SBK1: variants seen among roughly 807,000 people sequenced by gnomAD.
SBK1 encodes the protein serine/threonine-protein kinase SBK1.
Under a neutral mutation model 24.4 loss-of-function variants are expected in SBK1, and 11 were observed. The observed-to-expected ratio is 0.45, with a 90% CI of 0.28 to 0.75. The LOEUF is 0.75. Among genes scored for constraint, SBK1 ranks in the 30% least tolerant of loss-of-function variants. The probability of loss-of-function intolerance (pLI) is 0.12; values close to 1 mark genes in which losing one functional copy is unlikely to be tolerated. For synonymous variants in SBK1, 308 were observed against 284.4 expected (o/e 1.08, Z -0.83); for missense variants, 467 against 620.5 (o/e 0.75, Z 2.63).
chr16:28,312,825 C>T (rs1478692980), intron 1 of SBK1, among the ~76,000 whole-genome samples: 2 of 152,100 alleles, frequency 1.3e-5, no homozygotes, highest in African/African-American at 4.8e-5. Context: ...CAAGGTGAGA[C>T]CCCATCTCTA....
chr16:28,258,969 T>C, upstream of SBK1: 1 of 152,770 alleles, frequency 6.5e-6, no homozygotes, highest in Non-Finnish European at 1.5e-5. Context: ...ACAGGGGGAC[T>C]GGGGCACGGG....
chr16:28,314,522 T>TG (rs2044778778), intron 1 of SBK1, among the ~76,000 whole-genome samples: 1 of 152,128 alleles, frequency 6.6e-6, no homozygotes, highest in African/African-American at 2.4e-5. Flanking sequence ...GGAAGTAACT[T>TG]GCCCAAGGAC....
chr16:28,314,976 T>C (rs1004515294), intron 1 of SBK1, among the ~76,000 whole-genome samples: 1 of 151,226 alleles, frequency 6.6e-6, no homozygotes, highest in African/African-American at 2.4e-5. Context: ...AGAAACTCCG[T>C]CTCAAAAAAA....
rs1304856793 is a variant in SBK1, at chr16:28,292,603, A to G, written c.-705A>G. On this transcript the variant is annotated 5_prime_UTR_variant, in exon 1 of 4. Coordinates refer to ENST00000341901, the MANE Select transcript of SBK1 (RefSeq NM_001024401.3). ...CAGGCGGAGCGCGAGCTGGAGCCGC[A>G]GCCGGAGCCCGGGCCAGGCCGGGGG... 6.1e-6 allele frequency: 6 copies of G among 978,968 alleles called. No individual in the cohort carries two copies. The highest frequency in any genetic ancestry group is 1.8e-5 in the African/African-American group (1 of 55,956). The allele number at this position is 978,968 out of a possible 1,614,324, so 60.6% of individuals were successfully genotyped here.
intron 1 of SBK1, chr16:28,286,161 G>C (rs1302850655): frequency 6.6e-6 from 1 of 152,428 alleles, no homozygotes; most frequent in East Asian, 1.9e-4. Flanking sequence ...ATCCATCTTG[G>C]GTTCTGTTGG....
chr16:28,261,463 A>G (rs1285977959), intron 1 of SBK1, among the ~76,000 whole-genome samples: 1 of 151,282 alleles, frequency 6.6e-6, no homozygotes, highest in Non-Finnish European at 1.5e-5. Context: ...ACACACACAC[A>G]CACACACACA....
At chr16:28,311,051 G>A (rs556685604) in intron 1 of SBK1, among the ~76,000 whole-genome samples, 1 of 152,298 alleles carries the variant, frequency 6.6e-6, no homozygotes, top group African/African-American at 2.4e-5. Context: ...GACACCTTGC[G>A]GAGAAAAGGC....
chr16:28,322,867 C>T lies in SBK1; in HGVS notation c.*1946C>T, dbSNP rs1208068041. On this transcript the variant is annotated 3_prime_UTR_variant, in exon 4 of 4. Transcript: ENST00000341901. ...GATCTCTCCTGCAATAACTAGGAAT[C>T]GAGATTCCACAGTAGACGTCCCTTG... 3 of 148,876 alleles carry T rather than the reference C, an allele frequency of 2.0e-5. No individual in the cohort carries two copies. The highest frequency in any genetic ancestry group is 3.0e-5 in the Non-Finnish European group (2 of 67,270). The allele number at this position is 148,876 out of a possible 1,614,324, so 9.2% of individuals were successfully genotyped here.
chr16:28,316,411 G>T (rs897954774), intron 1 of SBK1, among the ~76,000 whole-genome samples: 1 of 152,284 alleles, frequency 6.6e-6, no homozygotes, highest in South Asian at 2.1e-4. Flanking sequence ...CTAGGTGTTT[G>T]TTCCATGCTG....
At chr16:28,292,193 A>C (rs1441906431), upstream of SBK1, 1 of 140,800 alleles carries the variant, frequency 7.1e-6, no homozygotes, top group Non-Finnish European at 1.5e-5. Flanking sequence ...ACCCTCTCAG[A>C]CTCCCCCGAG....
At position 28,320,981 on chromosome 16, in the gene SBK1, G is replaced by A. The variant is rs1301949601; in HGVS notation, c.*60G>A. 1.5e-6 allele frequency: 2 copies of A among 1,320,198 alleles called. No homozygotes were observed. Among genetic ancestry groups the A allele is most frequent in the Admixed American group, 4.1e-5 (1 of 24,188 alleles). 81.8% of individuals were successfully genotyped at this position (1,320,198 alleles called of 1,614,324 possible). On this transcript the variant is annotated 3_prime_UTR_variant, in exon 4 of 4. Coordinates refer to ENST00000341901, the MANE Select transcript of SBK1 (RefSeq NM_001024401.3). The surrounding 1 kb of genome is among the most constrained non-coding windows in gnomAD (Gnocchi z 8.5). Reference sequence around the variant, plus strand: ...CGGGCCCGCCCCGAGCCGGTGCCCGGTGCGGCGGTAGGGAATGGAGCCACC... The same window carrying A: ...CGGGCCCGCCCCGAGCCGGTGCCCGATGCGGCGGTAGGGAATGGAGCCACC...
chr16:28,279,590 G>T (rs1214515166), intron 1 of SBK1, among the ~76,000 whole-genome samples: 1 of 152,134 alleles, frequency 6.6e-6, no homozygotes, highest in Non-Finnish European at 1.5e-5. Flanking sequence ...AACTGTCAGT[G>T]CTCCATCATG....
At chr16:28,282,931 G>A (rs923631350) in intron 1 of SBK1, among the ~76,000 whole-genome samples, 10 of 150,746 alleles carry the variant, frequency 6.6e-5, no homozygotes, top group East Asian at 3.9e-4. Context: ...TTATTTATTT[G>A]TTTGTTTGTT....
intron 1 of SBK1, among the ~76,000 whole-genome samples, chr16:28,313,023 C>T (rs1198940570): frequency 6.6e-6 from 1 of 152,140 alleles, no homozygotes; most frequent in Non-Finnish European, 1.5e-5. Context: ...GCAGCTACTC[C>T]AGAGGCTGAG....
At chr16:28,284,662 G>A (rs541391003) in intron 1 of SBK1, among the ~76,000 whole-genome samples, 8 of 152,196 alleles carry the variant, frequency 5.3e-5, no homozygotes, top group East Asian at 1.9e-4. Context: ...TAATCAGGCC[G>A]GGCGCAGTGG....
rs1221217427 is a variant in SBK1, at chr16:28,319,466, G to C, written c.429+269G>C. On this transcript the variant is annotated intron_variant, in intron 3 of 3. Coordinates refer to ENST00000341901, the MANE Select transcript of SBK1 (RefSeq NM_001024401.3). The surrounding 1 kb of genome is among the most constrained non-coding windows in gnomAD (Gnocchi z 4.0). ...GAGAATGATGGGATGAAGTCACTGGGCCCTCCCCTGGGGCTACACAAGAGG... is the reference window on the plus strand; with the variant it reads ...GAGAATGATGGGATGAAGTCACTGGCCCCTCCCCTGGGGCTACACAAGAGG... Among the ~76,000 whole-genome samples the C allele has an allele frequency of 1.3e-5, 2 of 152,128 alleles. No individual in the cohort carries two copies. The highest frequency in any genetic ancestry group is 4.8e-5 in the African/African-American group (2 of 41,414).
At chr16:28,313,456 G>C (rs2044768451) in intron 1 of SBK1, among the ~76,000 whole-genome samples, 1 of 151,962 alleles carries the variant, frequency 6.6e-6, no homozygotes, top group African/African-American at 2.4e-5. Flanking sequence ...AATTAGCCAG[G>C]TGTGGTGGCG....
rs991354547 is a variant in SBK1 at position 28,293,227 on chromosome 16, C to T, written c.-81C>T. 4 of 985,426 alleles carry T rather than the reference C, an allele frequency of 4.1e-6. No individual in the cohort carries two copies. In the African/African-American group the frequency reaches 7.0e-5, roughly 17 times the overall value. 61.0% of individuals were successfully genotyped at this position (985,426 alleles called of 1,614,324 possible). ...GTCCATGGTCGTGGCGCCCTGAGCC[C>T]CCGGGGCCGGGCAGACGAAGACCGC... On this transcript the variant is annotated 5_prime_UTR_variant, in exon 1 of 4. Coordinates refer to ENST00000341901, the MANE Select transcript of SBK1 (RefSeq NM_001024401.3).
intron 1 of SBK1, among the ~76,000 whole-genome samples, chr16:28,271,169 C>T (rs2044463482): frequency 6.6e-6 from 1 of 152,060 alleles, no homozygotes; most frequent in Non-Finnish European, 1.5e-5. Context: ...GGCCTACGCA[C>T]CCTTACTTGA....
Sources: gnomAD v4.1 joint callset for allele counts (sites outside exome capture counted in the v4.1 genomes callset) on GRCh38, gnomAD v4.1.1 for gene constraint, Gnocchi (gnomAD v3.1) non-coding constraint, MANE v1.5 for transcripts, NCBI Gene and HGNC (gene_info 2026-07-23, HGNC 2026-07-21) for gene names.